The following TNC variants were observed in gnomAD, a reference collection of about 807,000 sequenced individuals.
The protein encoded by TNC is tenascin.
In TNC, 109 loss-of-function variants were observed where a neutral mutation model predicts 202.4. The observed-to-expected ratio is 0.54, with a 90% CI of 0.46 to 0.63. The LOEUF is 0.63. Among genes scored for constraint, TNC ranks in the 30% least tolerant of loss-of-function variants. The pLI is 0.00. For synonymous variants in TNC, 1,007 were observed against 1,089.7 expected, an observed-to-expected ratio of 0.92 and a Z score of 1.50; for missense variants, 2,756 against 2,833.3, an observed-to-expected ratio of 0.97 and a Z score of 0.62.
intron 3 of TNC, 92 bp downstream of exon 3, chr9:115,085,772 A>G (rs1834662656): frequency 6.1e-6 from 7 of 1,156,594 alleles, no homozygotes; most frequent in Non-Finnish European, 8.5e-6. Flanking sequence ...AGTGTGCATG[A>G]ATGTTTATAT....
At chr9:115,041,963 A>G (rs1019269803) in intron 18 of TNC, among the ~76,000 whole-genome samples, 7 of 152,232 alleles carry the variant, frequency 4.6e-5, no homozygotes, top group Admixed American at 2.6e-4. Context: ...ACAATACTAG[A>G]GATCTATTTC....
intron 10 of TNC, among the ~76,000 whole-genome samples, chr9:115,067,338 T>A (rs1403067329): frequency 6.8e-6 from 1 of 147,134 alleles, no homozygotes; most frequent in Non-Finnish European, 1.5e-5. Context: ...CTTATCCCAC[T>A]TTCCTGTTTT....
chr9:115,029,385 C>G lies in TNC; in HGVS notation c.6144G>C (p.Gly2048=), dbSNP rs79563958. Residue 2048 remains glycine (G), a synonymous_variant, in exon 25 of 28, where the codon GGG becomes GGC. Coordinates refer to ENST00000350763, the MANE Select transcript of TNC (RefSeq NM_002160.4). ...CAAGCCAGAATTCTTCTCTGCGGTC[C>G]CCAAATCCAGCAGCATATGCCTTCC... ...QNWKAYAAGF[G]DRREEFWLGL... is the part of the protein sequence containing the mutation. The G allele has an allele frequency of 1.4e-5, 23 of 1,614,006 alleles. No individual in the cohort carries two copies. Among genetic ancestry groups the G allele is most frequent in the Non-Finnish European group, 1.9e-5 (23 of 1,179,980 alleles).
chr9:115,118,019 G>A lies in TNC; in HGVS notation c.-174C>T, dbSNP rs1350688197. On this transcript the variant is annotated 5_prime_UTR_variant, in exon 1 of 28. Coordinates refer to ENST00000350763, the MANE Select transcript of TNC (RefSeq NM_002160.4). ...CGAGAGACCTAGGTCCTTGGAAGAA[G>A]TACCTGGAGTGTGGAGCTGCGGCGG... 6.6e-6 allele frequency: 1 copy of A among 152,254 alleles called. No homozygotes were observed. Among genetic ancestry groups the A allele is most frequent in the Non-Finnish European group, 1.5e-5 (1 of 68,088 alleles). The allele number at this position is 152,254 out of a possible 1,614,324, so 9.4% of individuals were successfully genotyped here.
rs367928943 is a variant in TNC, at chr9:115,077,929, G to C, written c.2674+14C>G. ...TTCCTTTACTATATCTGTTAACAGG[G>C]GGAGGCCTTTTACCTGTTGTGAAGG... On this transcript the variant is annotated intron_variant, in intron 7 of 27. Transcript: ENST00000350763. The C allele has an allele frequency of 3.7e-6, 6 of 1,611,324 alleles. No homozygotes were observed. The highest frequency in any genetic ancestry group is 5.1e-6 in the Non-Finnish European group (6 of 1,177,952).
chr9:115,033,523 A>G (rs1830098156), intron 22 of TNC, among the ~76,000 whole-genome samples: 1 of 152,220 alleles, frequency 6.6e-6, no homozygotes, highest in African/African-American at 2.4e-5. Context: ...AAGACCTTAA[A>G]GATGGATAAG....
rs569750731 is a variant in TNC, at chr9:115,028,039, T to C, written c.6169+1321A>G. Among the ~76,000 whole-genome samples the C allele has an allele frequency of 2.0e-5, 3 of 152,260 alleles. No individual in the cohort carries two copies. In the East Asian group the frequency reaches 5.8e-4, roughly 29 times the overall value. On this transcript the variant is annotated intron_variant, in intron 25 of 27. Transcript: ENST00000350763. ...GGTTTATTTCCCAAAAATTTATAGG[T>C]AACTGGAACTTCTATACATCTCTGG...
In TNC at chr9:115,086,655, C is replaced by A; in HGVS notation, c.1076G>T (p.Gly359Val). ...ACHTQGRCEEGQCVCDEGFAG... is the reference protein window; with the variant it reads ...ACHTQGRCEEVQCVCDEGFAG... The stretch of plus-strand genomic sequence containing the variant: ...AAAGCCCTCATCACATACACACTGC[C>A]CCTCCTCACACCGGCCCTGGGTGTG... The change falls in exon 3 of 28, where the codon GGG becomes GTG. Residue 359 changes from glycine to valine, a missense_variant. This residue lies in a region of TNC where 2,559 missense variants were observed against 2,546.0 expected (regional missense o/e 1.01). Coordinates refer to ENST00000350763, the MANE Select transcript of TNC (RefSeq NM_002160.4). 6.2e-7 allele frequency: 1 copy of A among 1,614,184 alleles called. No individual in the cohort carries two copies. Among genetic ancestry groups the A allele is most frequent in the Non-Finnish European group, 8.5e-7 (1 of 1,180,046 alleles).
chr9:115,111,385 T>A (rs1283349775), intron 1 of TNC, among the ~76,000 whole-genome samples: 4 of 135,852 alleles, frequency 2.9e-5, no homozygotes, highest in Non-Finnish European at 4.6e-5. Flanking sequence ...CTTATAGACT[T>A]TCTCTCTCTC....
At chr9:115,076,212 G>C in intron 8 of TNC, 91 bp from the exon 9 acceptor site, 1 of 1,441,288 alleles carries the variant, frequency 6.9e-7, no homozygotes, top group Non-Finnish European at 9.7e-7. Flanking sequence ...GTCTCTGGAG[G>C]CTACAACAAA....
chr9:115,084,030 G>T (rs897481750), intron 4 of TNC, among the ~76,000 whole-genome samples, 179 bp downstream of exon 4: 2 of 152,326 alleles, frequency 1.3e-5, no homozygotes, highest in Admixed American at 1.3e-4. Context: ...CAAGGAGAAA[G>T]ATTTGATGGA....
chr9:115,076,778 G>A (rs1457726386), intron 7 of TNC, among the ~76,000 whole-genome samples: 8 of 152,200 alleles, frequency 5.3e-5, no homozygotes, highest in Non-Finnish European at 1.2e-4. Flanking sequence ...ATGGATGAGT[G>A]CGACACTTTA....
At chr9:115,042,382 A>G in intron 17 of TNC, 41 bp from the exon 18 acceptor site, 5 of 1,608,728 alleles carry the variant, frequency 3.1e-6, no homozygotes, top group Non-Finnish European at 4.2e-6. Flanking sequence ...GAAACAGTTA[A>G]CTGTCTTGTT....
Position 115,084,324 on chromosome 9 carries a change from C to T in TNC, c.2016G>A (p.Gly672=), listed in dbSNP as rs768246746. 1.2e-6 allele frequency: 2 copies of T among 1,614,144 alleles called. No individual in the cohort carries two copies. The highest frequency in any genetic ancestry group is 1.7e-6 in the Non-Finnish European group (2 of 1,180,002). ...GGLEMQFRVP[G]DQTSTIIQEL... is the part of the protein sequence containing the mutation. The stretch of plus-strand genomic sequence containing the variant: ...CCTGGATGATGGTGGACGTCTGGTC[C>T]CCAGGCACACGGAACTGCATTTCCA... The change falls in exon 4 of 28, where the codon GGG becomes GGA. Residue 672 remains glycine (G), a synonymous_variant. Coordinates refer to ENST00000350763, the MANE Select transcript of TNC (RefSeq NM_002160.4).
intron 10 of TNC, among the ~76,000 whole-genome samples, chr9:115,072,183 A>G (rs910284110): frequency 6.6e-6 from 1 of 152,208 alleles, no homozygotes; most frequent in Non-Finnish European, 1.5e-5. Context: ...GGGTTTCCAG[A>G]AAGACTCACC....
rs749788007 is a variant in TNC at position 115,024,125 on chromosome 9, C to A, written c.6343G>T (p.Ala2115Ser). Residue 2115 changes from alanine (A) to serine (S), a missense_variant, in exon 27 of 28, where the codon GCC becomes TCC. Coordinates refer to ENST00000350763, the MANE Select transcript of TNC (RefSeq NM_002160.4). Reference protein sequence around the residue: ...GYSGTAGDSMAYHNGRSFSTF... With the variant: ...GYSGTAGDSMSYHNGRSFSTF... ...GAGAAGGATCTGCCATTGTGGTAGG[C>A]CATGGAGTCACCTGGGAGAGACAGA... 1 of 1,613,512 alleles carries A rather than the reference C, an allele frequency of 6.2e-7. No homozygotes were observed. Among genetic ancestry groups the A allele is most frequent in the Admixed American group, 1.7e-5 (1 of 60,006 alleles).
At chr9:115,065,759 G>A (rs1157291676) in intron 10 of TNC, among the ~76,000 whole-genome samples, 1 of 151,916 alleles carries the variant, frequency 6.6e-6, no homozygotes, top group African/African-American at 2.4e-5. Flanking sequence ...GAAATTAGCT[G>A]GGTGTGGTGG....
chr9:115,081,727 T>G (rs773444453), intron 6 of TNC, 45 bp downstream of exon 6: 54 of 1,609,062 alleles, frequency 3.4e-5, no homozygotes, highest in Non-Finnish European at 4.3e-5. Context: ...TGCTATGAGG[T>G]ACAATCAGCC....
rs751165722 is a variant in TNC, at chr9:115,063,053, A to G, written c.3897T>C (p.Ala1299=). 1 of 1,614,056 alleles carries G rather than the reference A, an allele frequency of 6.2e-7. No homozygotes were observed. Among genetic ancestry groups the G allele is most frequent in the Non-Finnish European group, 8.5e-7 (1 of 1,180,010 alleles). Residue 1299 remains alanine, a synonymous_variant, in exon 13 of 28, where the codon GCT becomes GCC. Coordinates refer to ENST00000350763, the MANE Select transcript of TNC (RefSeq NM_002160.4). ...GGCTGCCAGGAACCGTGAGATTGTG[A>G]GCCTCTTCCACCTGGTCAGCCTCCT... The part of the protein sequence containing the change: ...QVQEADQVEE[A]HNLTVPGSLR...
Sources: gnomAD v4.1 joint callset for allele counts (sites outside exome capture counted in the v4.1 genomes callset) on GRCh38, gnomAD v4.1.1 for gene constraint, gnomAD v4.1.1 regional missense constraint, MANE v1.5 for transcripts, NCBI Gene and HGNC (gene_info 2026-07-23, HGNC 2026-07-21) for gene names.